SPON1: variants seen among roughly 807,000 people sequenced by gnomAD.
The protein encoded by SPON1 is spondin 1, also known as spondin-1.
A neutral mutation model predicts 111.7 loss-of-function variants in SPON1; 52 were observed. The observed-to-expected ratio is 0.47, with a 90% CI of 0.37 to 0.59. The LOEUF (loss-of-function observed/expected upper bound fraction) is 0.59. Ranked by LOEUF, SPON1 falls within the 20% of genes least tolerant of loss-of-function variation. The probability of loss-of-function intolerance (pLI) is 0.00; values close to 1 mark genes in which losing one functional copy is unlikely to be tolerated. For missense variants in SPON1, 957 were observed against 1,068.5 expected, an observed-to-expected ratio of 0.90 and a Z score of 1.46; for synonymous variants, 410 against 395.8, an observed-to-expected ratio of 1.04 and a Z score of -0.43.
intron 2 of SPON1, among the ~76,000 whole-genome samples, chr11:14,011,831 C>T (rs1479019918): frequency 6.6e-6 from 1 of 152,188 alleles, no homozygotes; most frequent in South Asian, 2.1e-4. Flanking sequence ...CCCTAAAGAA[C>T]AAGAAAGGAA....
At chr11:14,170,518 G>A (rs534320675) in intron 6 of SPON1, among the ~76,000 whole-genome samples, 10 of 152,136 alleles carry the variant, frequency 6.6e-5, no homozygotes, top group Admixed American at 1.3e-4. Context: ...CCTGGCCAGA[G>A]CTTCCAACAC....
chr11:14,180,610 C>T (rs1273930355), intron 6 of SPON1, among the ~76,000 whole-genome samples: 1 of 152,190 alleles, frequency 6.6e-6, no homozygotes, highest in Non-Finnish European at 1.5e-5. Context: ...GTTTTAAACT[C>T]TGACCTGACA....
intron 6 of SPON1, among the ~76,000 whole-genome samples, chr11:14,217,206 C>A (rs1452184156): frequency 6.6e-6 from 1 of 152,218 alleles, no homozygotes; most frequent in Admixed American, 6.5e-5. Flanking sequence ...GGAGAGCTCT[C>A]TGTTTCTGCC....
intron 3 of SPON1, among the ~76,000 whole-genome samples, chr11:14,049,616 C>T (rs1423683011): frequency 2.0e-5 from 3 of 152,188 alleles, no homozygotes; most frequent in Admixed American, 1.3e-4. Context: ...ACTTACTGAA[C>T]ACCTCCTGCT....
intron 6 of SPON1, among the ~76,000 whole-genome samples, chr11:14,213,464 T>C (rs797044168): frequency 3.3e-5 from 5 of 152,292 alleles, no homozygotes; most frequent in African/African-American, 1.2e-4. Context: ...GGATTTGTGT[T>C]TATTGTGTCA....
chr11:14,217,440 A>G (rs1340970893), intron 6 of SPON1, among the ~76,000 whole-genome samples: 1 of 152,210 alleles, frequency 6.6e-6, no homozygotes, highest in Non-Finnish European at 1.5e-5. Flanking sequence ...ATATATTTTT[A>G]CAAATATCTT....
chr11:13,965,160 G>A (rs566493073), intron 1 of SPON1, among the ~76,000 whole-genome samples: 41 of 152,272 alleles, frequency 2.7e-4, no homozygotes, highest in African/African-American at 9.1e-4. Flanking sequence ...TTTGAAGAGT[G>A]TTGTGCGTTT....
intron 3 of SPON1, among the ~76,000 whole-genome samples, chr11:14,060,946 T>TG (rs1554919792): frequency 6.6e-6 from 1 of 150,720 alleles, no homozygotes; most frequent in African/African-American, 2.4e-5. Flanking sequence ...TCTAGTTTGG[T>TG]AAAAAAAAAG....
Position 14,080,154 on chromosome 11 carries a change from A to C in SPON1, c.676+133A>C. 6 of 965,684 alleles carry C rather than the reference A, an allele frequency of 6.2e-6. No individual in the cohort carries two copies. In the South Asian group the frequency reaches 9.4e-5, roughly 15 times the overall value. The allele number at this position is 965,684 out of a possible 1,614,324, so 59.8% of individuals were successfully genotyped here. A position where few individuals can be genotyped will look rare whatever the true frequency, so the allele number is the denominator to read the frequency against. On this transcript the variant is annotated intron_variant, in intron 5 of 15. Coordinates refer to ENST00000576479, the MANE Select transcript of SPON1 (RefSeq NM_006108.4). Reference sequence around the variant, plus strand: ...GCTGGTTCATGAAATGCACAATCCAAGTATGTATATTAATCAAGACAGGCA... The same window carrying C: ...GCTGGTTCATGAAATGCACAATCCACGTATGTATATTAATCAAGACAGGCA...
chr11:14,180,942 C>G (rs149080951), intron 6 of SPON1, among the ~76,000 whole-genome samples: 272 of 152,326 alleles, frequency 1.8e-3, no homozygotes, highest in Middle Eastern at 6.8e-3. Flanking sequence ...ATGAGCCTAG[C>G]TTTCCTGGTG....
rs369023748 is a variant in SPON1 at position 14,254,612 on chromosome 11, C to T, written c.975C>T (p.Asp325=). ...SFLTMMGPSP[D]WNVGLSAEDL... ...TGACCATGATGGGCCCTAGTCCCGA[C>T]TGGAACGTAGGCTTATCTGCAGAAG... Residue 325 remains aspartate (D), a synonymous_variant, in exon 8 of 16, where the codon GAC becomes GAT. Coordinates refer to ENST00000576479, the MANE Select transcript of SPON1 (RefSeq NM_006108.4). The T allele has an allele frequency of 2.1e-5, 34 of 1,613,894 alleles. No homozygotes were observed. Among genetic ancestry groups the T allele is most frequent in the Non-Finnish European group, 2.8e-5 (33 of 1,179,878 alleles).
intron 5 of SPON1, among the ~76,000 whole-genome samples, chr11:14,099,014 G>C (rs1024079934): frequency 2.0e-5 from 3 of 152,144 alleles, no homozygotes; most frequent in African/African-American, 7.2e-5. Flanking sequence ...CTACCTACCT[G>C]TTTTTATTCA....
At chr11:14,054,795 T>G (rs1848732614) in intron 3 of SPON1, among the ~76,000 whole-genome samples, 1 of 152,184 alleles carries the variant, frequency 6.6e-6, no homozygotes, top group East Asian at 1.9e-4. Context: ...ATCAGAGCCC[T>G]TGGAACAGCA....
At chr11:14,175,812 A>G (rs1424058305) in intron 6 of SPON1, among the ~76,000 whole-genome samples, 1 of 152,188 alleles carries the variant, frequency 6.6e-6, no homozygotes, top group Non-Finnish European at 1.5e-5. Flanking sequence ...AAGCCACTTT[A>G]CAAGAGAAAA....
At chr11:13,968,081 G>C (rs575763742) in intron 1 of SPON1, among the ~76,000 whole-genome samples, 1 of 152,258 alleles carries the variant, frequency 6.6e-6, no homozygotes, top group Admixed American at 6.5e-5. Context: ...ACTATGGGCT[G>C]GTATATCAGG....
At chr11:14,074,716 A>G (rs1341095143) in intron 3 of SPON1, among the ~76,000 whole-genome samples, 2 of 152,192 alleles carry the variant, frequency 1.3e-5, no homozygotes, top group Non-Finnish European at 2.9e-5. Context: ...AAGCGAAAAT[A>G]TGTGCTGGCC....
intron 6 of SPON1, among the ~76,000 whole-genome samples, chr11:14,209,384 T>C (rs1848550056): frequency 6.6e-6 from 1 of 152,148 alleles, no homozygotes; most frequent in Non-Finnish European, 1.5e-5. Context: ...CTACATTAGG[T>C]ATTTCTCCTA....
At chr11:14,037,762 G>A (rs1246776629) in intron 2 of SPON1, among the ~76,000 whole-genome samples, 1 of 152,188 alleles carries the variant, frequency 6.6e-6, no homozygotes, top group Non-Finnish European at 1.5e-5. Flanking sequence ...AACTTTTGCT[G>A]TGTGAAAGAC....
At chr11:14,197,543 G>C (rs1848416495) in intron 6 of SPON1, among the ~76,000 whole-genome samples, 1 of 151,434 alleles carries the variant, frequency 6.6e-6, no homozygotes, top group Non-Finnish European at 1.5e-5. Context: ...GCTGCGCATG[G>C]TGGCTCACGC....
Sources: allele counts gnomAD v4.1 joint callset (sites outside exome capture counted in the v4.1 genomes callset), GRCh38; gene constraint gnomAD v4.1.1; transcripts MANE v1.5; gene names NCBI Gene and HGNC (gene_info 2026-07-23, HGNC 2026-07-21).